NRCAM: variants seen among roughly 807,000 people sequenced by gnomAD.
NRCAM encodes neuronal cell adhesion molecule, also known as NgCAM-related cell adhesion molecule.
Under a neutral mutation model 156.5 loss-of-function variants are expected in NRCAM, and 83 were observed. The ratio of observed to expected loss-of-function variants is 0.53; its 90% confidence interval spans 0.44 to 0.64. The LOEUF is 0.64. Ranked by LOEUF, NRCAM falls within the 30% of genes least tolerant of loss-of-function variation. NRCAM has a pLI of 0.00. For missense variants in NRCAM, 1,417 were observed against 1,597.3 expected (o/e 0.89, Z 1.92); for synonymous variants, 538 against 563.9 (o/e 0.95, Z 0.65).
chr7:108,181,829 C>G lies in NRCAM; in HGVS notation c.2639G>C (p.Gly880Ala), dbSNP rs2063667672. 1 of 1,613,096 alleles carries G rather than the reference C, an allele frequency of 6.2e-7. No homozygotes were observed. Among genetic ancestry groups the G allele is most frequent in the Non-Finnish European group, 8.5e-7 (1 of 1,179,260 alleles). ...PLKSIRGHLQ[G>A]YRIYYWKTQS... The stretch of plus-strand genomic sequence containing the variant: ...AGGTCCCCTTTCACTTGCCCGATAG[C>G]CTTGTAGGTGTCCTCGGATGCTTTT... The change falls in exon 24 of 33, where the codon GGC (glycine) becomes GCC (alanine). Residue 880 changes from glycine to alanine, a missense_variant. By Grantham distance (60) the Gly-to-Ala change is moderately conservative. Transcript: ENST00000379028.
At chr7:108,252,880 T>C (rs1271183613) in intron 3 of NRCAM, among the ~76,000 whole-genome samples, 2 of 152,250 alleles carry the variant, frequency 1.3e-5, no homozygotes, top group Admixed American at 1.3e-4. Context: ...GGGGAAGCAA[T>C]TGATAATAAT....
intron 1 of NRCAM, among the ~76,000 whole-genome samples, chr7:108,425,797 T>C (rs1816516349): frequency 6.6e-6 from 1 of 152,226 alleles, no homozygotes; most frequent in Non-Finnish European, 1.5e-5. Flanking sequence ...ACACTGTACA[T>C]TGTCTAGGTG....
intron 3 of NRCAM, among the ~76,000 whole-genome samples, chr7:108,298,538 A>G (rs1255679007): frequency 6.6e-6 from 1 of 151,942 alleles, no homozygotes; most frequent in Non-Finnish European, 1.5e-5. Flanking sequence ...CTATAGTCCC[A>G]GCTACTCAGG....
At chr7:108,204,390 G>T (rs965440061) in intron 13 of NRCAM, among the ~76,000 whole-genome samples, 6 of 152,216 alleles carry the variant, frequency 3.9e-5, no homozygotes, top group African/African-American at 1.2e-4. Flanking sequence ...GAAGGCCAGG[G>T]GCAGGGCACA....
chr7:108,266,356 A>C (rs908499579), intron 3 of NRCAM, among the ~76,000 whole-genome samples: 1 of 152,198 alleles, frequency 6.6e-6, no homozygotes, highest in Non-Finnish European at 1.5e-5. Flanking sequence ...CTATGCTACC[A>C]ATCAGAATAA....
intron 2 of NRCAM, among the ~76,000 whole-genome samples, chr7:108,349,423 C>T (rs1341574808): frequency 6.6e-6 from 1 of 151,990 alleles, no homozygotes; most frequent in Non-Finnish European, 1.5e-5. Context: ...CGCCTGCCAC[C>T]ACGCCCTGCT....
chr7:108,156,408 C>T, intron 32 of NRCAM: 1 of 984,506 alleles, frequency 1.0e-6, no homozygotes, highest in Non-Finnish European at 1.2e-6. Context: ...CATTGTTTCT[C>T]TGATTTTTCT....
chr7:108,373,110 T>C (rs909713344), intron 2 of NRCAM, among the ~76,000 whole-genome samples: 1 of 152,144 alleles, frequency 6.6e-6, no homozygotes, highest in Non-Finnish European at 1.5e-5. Flanking sequence ...AGATAAATAC[T>C]GCATGGTTCC....
In NRCAM at chr7:108,191,750, T is replaced by C. The variant is rs1360568740; in HGVS notation, c.1882A>G (p.Ser628Gly). ...TTACCAACAACGCTAAGCACAGCGC[T>C]GGCGGAGACGCTGTCCAGAGTGGTG... Reference protein sequence around the residue: ...ANTTLDSVSASAVLSVVAPTP... With the variant: ...ANTTLDSVSAGAVLSVVAPTP... Residue 628 changes from serine to glycine, a missense_variant, in exon 18 of 33, where the codon AGC becomes GGC. Transcript: ENST00000379028. 6 of 1,613,608 alleles carry C rather than the reference T, an allele frequency of 3.7e-6. No homozygotes were observed. The Admixed American group carries it at 1.0e-4, about 27-fold the overall frequency.
chr7:108,170,888 G>T (rs2299991), intron 28 of NRCAM, among the ~76,000 whole-genome samples: 12,652 of 151,948 alleles, frequency 0.083, 869 homozygotes, highest in African/African-American at 0.18. Flanking sequence ...TTGGTCAAAG[G>T]GTACAAACTT....
intron 3 of NRCAM, among the ~76,000 whole-genome samples, chr7:108,308,566 G>T (rs2154174226): frequency 6.6e-6 from 1 of 152,286 alleles, no homozygotes. Context: ...CATAAAAGTT[G>T]CAGGATTCCT....
intron 3 of NRCAM, among the ~76,000 whole-genome samples, chr7:108,264,200 TC>T (rs1188422726): frequency 1.3e-5 from 2 of 152,168 alleles, no homozygotes; most frequent in Non-Finnish European, 2.9e-5. Context: ...GGTCTTGAAC[TC>T]CTGACCTCAA....
At chr7:108,420,195 T>C (rs531079799) in intron 1 of NRCAM, among the ~76,000 whole-genome samples, 8 of 152,154 alleles carry the variant, frequency 5.3e-5, no homozygotes, top group Non-Finnish European at 8.8e-5. Context: ...TATCTTTGTC[T>C]GGCCTCTATG....
intron 3 of NRCAM, among the ~76,000 whole-genome samples, chr7:108,268,122 A>C (rs564460781): frequency 6.6e-6 from 1 of 152,322 alleles, no homozygotes; most frequent in Admixed American, 6.5e-5. Context: ...GTGTAAACAC[A>C]ACATTCTTGC....
chr7:108,189,391 C>A (rs1364418616), intron 20 of NRCAM, among the ~76,000 whole-genome samples: 1 of 152,180 alleles, frequency 6.6e-6, no homozygotes, highest in Non-Finnish European at 1.5e-5. Context: ...TTTTATGGAT[C>A]TTAAACACAA....
intron 32 of NRCAM, among the ~76,000 whole-genome samples, chr7:108,151,139 A>G (rs1430263915): frequency 6.6e-6 from 1 of 152,164 alleles, no homozygotes; most frequent in Non-Finnish European, 1.5e-5. Context: ...AGTAATCATT[A>G]TGTTTTTGAA....
intron 11 of NRCAM, among the ~76,000 whole-genome samples, chr7:108,216,777 T>TCTTCTCTAAAC (rs1187467986): frequency 6.6e-6 from 1 of 152,218 alleles, no homozygotes; most frequent in Admixed American, 6.5e-5. Context: ...TCATTTATGT[T>TCTTCTCTAAAC]CTTCTCTAAA....
intron 2 of NRCAM, among the ~76,000 whole-genome samples, chr7:108,338,204 G>A (rs911015036): frequency 5.3e-5 from 8 of 152,252 alleles, no homozygotes; most frequent in African/African-American, 1.9e-4. Flanking sequence ...ACCCATGCAT[G>A]CGCCCCTATC....
At chr7:108,169,182 T>G (rs1371308795) in intron 28 of NRCAM, among the ~76,000 whole-genome samples, 1 of 152,202 alleles carries the variant, frequency 6.6e-6, no homozygotes, top group African/African-American at 2.4e-5. Context: ...AAATAGCTTC[T>G]TAAAAATCCA....
Sources: allele counts gnomAD v4.1 joint callset (sites outside exome capture counted in the v4.1 genomes callset), GRCh38; gene constraint gnomAD v4.1.1; transcripts MANE v1.5; gene names NCBI Gene and HGNC (gene_info 2026-07-23, HGNC 2026-07-21).